Variants in HCN1 observed in about 807,000 individuals in gnomAD.
HCN1 encodes hyperpolarization activated cyclic nucleotide gated potassium channel 1.
Under a neutral mutation model 78.9 loss-of-function variants are expected in HCN1, and 13 were observed. The observed-to-expected ratio is 0.16, with a 90% CI of 0.11 to 0.26. The LOEUF (loss-of-function observed/expected upper bound fraction) is 0.26. Among genes scored for constraint, HCN1 ranks in the 10% least tolerant of loss-of-function variants. HCN1 has a pLI of 1.00. For missense variants in HCN1, 810 were observed against 1,154.3 expected (o/e 0.70, Z 4.32); for synonymous variants, 552 against 455.5 (o/e 1.21, Z -2.70).
chr5:45,371,675 T>C (rs1433945501), intron 4 of HCN1, among the ~76,000 whole-genome samples: 2 of 149,792 alleles, frequency 1.3e-5, no homozygotes, highest in Non-Finnish European at 3.0e-5. Flanking sequence ...GAGAATCACT[T>C]GAACCCGGGA....
chr5:45,348,623 T>C (rs1186431424), intron 5 of HCN1, among the ~76,000 whole-genome samples: 2 of 151,980 alleles, frequency 1.3e-5, no homozygotes, highest in Admixed American at 1.3e-4. Context: ...AGGAAACCCA[T>C]CTCATGTGCA....
intron 2 of HCN1, among the ~76,000 whole-genome samples, chr5:45,610,411 G>A (rs1579997765): frequency 6.6e-6 from 1 of 151,514 alleles, no homozygotes; most frequent in African/African-American, 2.4e-5. Context: ...TAATACTGTT[G>A]TCTGAAATGA....
At chr5:45,578,639 G>C (rs1378609440) in intron 2 of HCN1, among the ~76,000 whole-genome samples, 1 of 151,864 alleles carries the variant, frequency 6.6e-6, no homozygotes, top group Non-Finnish European at 1.5e-5. Flanking sequence ...TATATTCTAA[G>C]TGCTTTACAT....
At chr5:45,577,743 T>C (rs1201351656) in intron 2 of HCN1, among the ~76,000 whole-genome samples, 3 of 152,112 alleles carry the variant, frequency 2.0e-5, no homozygotes, top group Non-Finnish European at 4.4e-5. Context: ...TTATAAAACT[T>C]ATCACATGAA....
intron 4 of HCN1, among the ~76,000 whole-genome samples, chr5:45,374,998 A>T (rs114541651): frequency 0.015 from 2,123 of 138,544 alleles, 61 homozygotes; most frequent in African/African-American, 0.054. Context: ...TTAAAACAGG[A>T]TCACCATTTG....
intron 6 of HCN1, among the ~76,000 whole-genome samples, chr5:45,288,390 T>C (rs1159183554): frequency 6.6e-6 from 1 of 152,026 alleles, no homozygotes; most frequent in Non-Finnish European, 1.5e-5. Flanking sequence ...GGATGTTTCA[T>C]GCCAAACAAC....
intron 5 of HCN1, among the ~76,000 whole-genome samples, chr5:45,314,562 A>G (rs1016246661): frequency 3.3e-5 from 5 of 152,318 alleles, no homozygotes; most frequent in African/African-American, 1.2e-4. Flanking sequence ...AAAGACACAG[A>G]CTGGCAAATT....
At chr5:45,311,141 A>G (rs1417597031) in intron 5 of HCN1, among the ~76,000 whole-genome samples, 1 of 152,180 alleles carries the variant, frequency 6.6e-6, no homozygotes, top group East Asian at 1.9e-4. Context: ...AAACGTGCAC[A>G]TCCTGCACAT....
At position 45,260,995 on chromosome 5, in the gene HCN1, T is replaced by C. The variant is rs1422353447; in HGVS notation, c.*926A>G. ...GGTGTAATACAAGCAATTTGTAGAT[T>C]CGAGCATACAATTTTGCATAAAACA... On this transcript the variant is annotated 3_prime_UTR_variant, in exon 8 of 8. Transcript: ENST00000303230. 1 of 152,640 alleles carries C rather than the reference T, an allele frequency of 6.6e-6. No homozygotes were observed. The highest frequency in any genetic ancestry group is 2.4e-5 in the African/African-American group (1 of 41,464). 9.5% of individuals were successfully genotyped at this position (152,640 alleles called of 1,614,324 possible).
rs560166800 is a variant in HCN1 at position 45,375,026 on chromosome 5, T to C, written c.1230+21466A>G. 4.6e-4 allele frequency among the ~76,000 whole-genome samples: 62 copies of C among 135,040 alleles called. 1 individual carries two copies. Among genetic ancestry groups the C allele is most frequent in the African/African-American group, 1.7e-3 (62 of 36,482 alleles). 88.6% of individuals were successfully genotyped at this position (135,040 alleles called of 152,430 possible). On this transcript the variant is annotated intron_variant, in intron 4 of 7. Transcript: ENST00000303230. ...ACCATTTGACTCTGGAATCCTATTA[T>C]TCAGTATATACTCAAAGGAATGGAA...
intron 4 of HCN1, among the ~76,000 whole-genome samples, chr5:45,377,343 T>A (rs1442079793): frequency 6.6e-6 from 1 of 152,054 alleles, no homozygotes; most frequent in Non-Finnish European, 1.5e-5. Flanking sequence ...CCCATTCTTC[T>A]GTTCATGACT....
intron 2 of HCN1, among the ~76,000 whole-genome samples, chr5:45,527,972 A>T (rs1295307835): frequency 1.3e-5 from 2 of 151,130 alleles, no homozygotes. Flanking sequence ...CTATAGTCCT[A>T]GGGGAAAAAT....
intron 4 of HCN1, among the ~76,000 whole-genome samples, chr5:45,369,510 C>G (rs1241557861): frequency 6.6e-6 from 1 of 152,036 alleles, no homozygotes. Flanking sequence ...TCACTCAGCC[C>G]CAGCCTGATT....
chr5:45,432,351 C>T (rs1468781422), intron 3 of HCN1, among the ~76,000 whole-genome samples: 1 of 152,084 alleles, frequency 6.6e-6, no homozygotes, highest in Non-Finnish European at 1.5e-5. Context: ...ATGGGGTTCT[C>T]TAGGTATAGA....
chr5:45,580,625 T>TCATTACATGACCATGTAG (rs1744045182), intron 2 of HCN1, among the ~76,000 whole-genome samples: 1 of 152,082 alleles, frequency 6.6e-6, no homozygotes, highest in African/African-American at 2.4e-5. Context: ...GCCATGTAGG[T>TCATTACATGACCATGTAG]GTGCTGCACC....
intron 5 of HCN1, among the ~76,000 whole-genome samples, chr5:45,321,226 A>T (rs1312206012): frequency 6.6e-6 from 1 of 151,918 alleles, no homozygotes; most frequent in African/African-American, 2.4e-5. Flanking sequence ...ATGTAGAAAG[A>T]GGATGGGAAC....
intron 2 of HCN1, among the ~76,000 whole-genome samples, chr5:45,632,946 C>T (rs1745295446): frequency 6.6e-6 from 1 of 151,936 alleles, no homozygotes; most frequent in Non-Finnish European, 1.5e-5. Context: ...TGCTGTTGGT[C>T]ATGCAAGTGC....
intron 4 of HCN1, 89 bp downstream of exon 4, chr5:45,396,403 A>C: frequency 1.1e-6 from 1 of 904,984 alleles, no homozygotes; most frequent in South Asian, 1.4e-5. Context: ...TTTTTTATAG[A>C]GGAGATGGTG....
intron 1 of HCN1, among the ~76,000 whole-genome samples, chr5:45,682,725 C>T (rs1483483206): frequency 1.3e-5 from 2 of 151,154 alleles, no homozygotes; most frequent in African/African-American, 4.9e-5. Context: ...AGAAACGAAA[C>T]ATTAAGTATG....
Sources: allele counts gnomAD v4.1 joint callset (sites outside exome capture counted in the v4.1 genomes callset), GRCh38; gene constraint gnomAD v4.1.1; transcripts MANE v1.5; gene names NCBI Gene and HGNC (gene_info 2026-07-23, HGNC 2026-07-21).